FYB2: variants seen among roughly 807,000 people sequenced by gnomAD.
FYB2 encodes FYN-binding protein 2.
Under a neutral mutation model 94.1 loss-of-function variants are expected in FYB2, and 103 were observed. The observed-to-expected ratio is 1.09, with a 90% confidence interval of 0.93 to 1.29. The LOEUF (loss-of-function observed/expected upper bound fraction) is 1.29, where lower values mean the gene tolerates loss of function less well. FYB2 is among the 50% of genes most tolerant of loss of function. The pLI is 0.00. For missense variants in FYB2, 896 were observed against 841.5 expected, an observed-to-expected ratio of 1.06 and a Z score of -0.80; for synonymous variants, 293 against 287.9, an observed-to-expected ratio of 1.02 and a Z score of -0.18.
chr1:56,811,419 A>T (rs898010475), intron 1 of FYB2, among the ~76,000 whole-genome samples: 6 of 152,120 alleles, frequency 3.9e-5, no homozygotes, highest in African/African-American at 1.4e-4. Flanking sequence ...TTATGTGCTT[A>T]CTTAGAAATT....
At position 56,796,710 on chromosome 1, in the gene FYB2, C is replaced by G. The variant is rs560168148; in HGVS notation, c.10-3907G>C. ...CTCCAACGTCACATTGGGCCTCCCCCCAACATGCTTTCTTCCTTCTAGCCT... is the reference window on the plus strand; with the variant it reads ...CTCCAACGTCACATTGGGCCTCCCCGCAACATGCTTTCTTCCTTCTAGCCT... On this transcript the variant is annotated intron_variant, in intron 1 of 19. Transcript: ENST00000343433. Among the ~76,000 whole-genome samples, 52 of 152,290 alleles carry G rather than the reference C, an allele frequency of 3.4e-4. 1 individual carries two copies. The highest frequency in any genetic ancestry group is 1.2e-3 in the Admixed American group (19 of 15,300).
chr1:56,733,267 G>C (rs1275642829), intron 15 of FYB2, among the ~76,000 whole-genome samples: 2 of 151,992 alleles, frequency 1.3e-5, no homozygotes, highest in Non-Finnish European at 2.9e-5. Flanking sequence ...CTGTGGGATT[G>C]GTGGTGATAT....
intron 1 of FYB2, among the ~76,000 whole-genome samples, chr1:56,810,305 T>C (rs1646738612): frequency 6.6e-6 from 1 of 152,144 alleles, no homozygotes; most frequent in African/African-American, 2.4e-5. Flanking sequence ...ACTCATTCCA[T>C]GAAGTTTTCT....
chr1:56,801,958 C>T (rs1039568292), intron 1 of FYB2, among the ~76,000 whole-genome samples: 6 of 152,182 alleles, frequency 3.9e-5, no homozygotes, highest in Admixed American at 1.3e-4. Flanking sequence ...CTCCTATCTA[C>T]TTTGCAGTTT....
chr1:56,724,429 C>A (rs1362149249), intron 16 of FYB2, among the ~76,000 whole-genome samples: 1 of 151,956 alleles, frequency 6.6e-6, no homozygotes, highest in Non-Finnish European at 1.5e-5. Context: ...AAAAGTCAAC[C>A]AAGTCCTGTT....
chr1:56,730,109 T>C (rs2100530394), intron 15 of FYB2, among the ~76,000 whole-genome samples: 1 of 151,660 alleles, frequency 6.6e-6, no homozygotes, highest in South Asian at 2.1e-4. Context: ...TCTAATGATT[T>C]GTCTCAAAGA....
At chr1:56,788,928 G>A (rs918838642) in intron 3 of FYB2, 45 bp downstream of exon 3, 5 of 1,608,274 alleles carry the variant, frequency 3.1e-6, no homozygotes, top group African/African-American at 1.3e-5. Context: ...GGAGACGGAG[G>A]TGACTCCTGG....
chr1:56,788,661 C>T (rs769806192), intron 3 of FYB2, among the ~76,000 whole-genome samples: 2 of 152,208 alleles, frequency 1.3e-5, no homozygotes, highest in African/African-American at 2.4e-5. Context: ...GTTGACAACA[C>T]AGGTTTGCAG....
At position 56,737,292 on chromosome 1, in the gene FYB2, G is replaced by T. The variant is rs1226697104; in HGVS notation, c.1733-145C>A. 1.6e-5 allele frequency: 8 copies of T among 498,498 alleles called. 1 individual carries two copies. The South Asian group carries it at 2.5e-4, about 16-fold the overall frequency. 30.9% of individuals were successfully genotyped at this position (498,498 alleles called of 1,614,324 possible). ...AAATCTGATCATAAAATACAGATAG[G>T]CTAGAAGAATCAAAGAATAAAAATA... is the stretch of plus-strand genomic sequence containing the variant. On this transcript the variant is annotated intron_variant, in intron 14 of 19. Coordinates refer to ENST00000343433, the MANE Select transcript of FYB2 (RefSeq NM_001004303.5).
chr1:56,785,737 T>A (rs1189162599), intron 4 of FYB2, among the ~76,000 whole-genome samples: 2 of 152,302 alleles, frequency 1.3e-5, no homozygotes, highest in African/African-American at 4.8e-5. Flanking sequence ...GCTTCACACC[T>A]CCTGCCTCTA....
At chr1:56,719,822 GT>G (rs1644451532) in intron 19 of FYB2, 130 bp from the exon 20 acceptor site, 2 of 1,084,854 alleles carry the variant, frequency 1.8e-6, no homozygotes, top group South Asian at 3.2e-5. Context: ...ATAAAGCTGT[GT>G]AGAGAAGTTT....
intron 1 of FYB2, among the ~76,000 whole-genome samples, chr1:56,817,705 A>G (rs1448578629): frequency 4.6e-5 from 7 of 151,714 alleles, no homozygotes; most frequent in Non-Finnish European, 8.8e-5. Flanking sequence ...ATGAGAAACC[A>G]CTCTTATTTC....
chr1:56,785,585 A>C (rs1646115383), intron 4 of FYB2, among the ~76,000 whole-genome samples: 1 of 152,180 alleles, frequency 6.6e-6, no homozygotes, highest in African/African-American at 2.4e-5. Context: ...TTGTTGAATA[A>C]GATTGTCTTA....
Position 56,787,052 on chromosome 1 carries a change from C to T in FYB2, c.953+123G>A. 5 of 1,073,582 alleles carry T rather than the reference C, an allele frequency of 4.7e-6. 1 individual carries two copies. The South Asian group carries it at 6.7e-5, about 14-fold the overall frequency. The allele number at this position is 1,073,582 out of a possible 1,614,324, so 66.5% of individuals were successfully genotyped here. On this transcript the variant is annotated intron_variant, in intron 4 of 19. Coordinates refer to ENST00000343433, the MANE Select transcript of FYB2 (RefSeq NM_001004303.5). ...TTACACTTTGTTGCTTATAAGTTCA[C>T]TGCTTCTGAAACCCTTCTGAGAAAT...
At chr1:56,800,323 T>G (rs1338226487) in intron 1 of FYB2, among the ~76,000 whole-genome samples, 1 of 152,146 alleles carries the variant, frequency 6.6e-6, no homozygotes, top group Non-Finnish European at 1.5e-5. Context: ...CTATAAGAGC[T>G]ATAATAATGG....
chr1:56,784,481 C>T (rs1009573144), intron 4 of FYB2, among the ~76,000 whole-genome samples: 1 of 152,130 alleles, frequency 6.6e-6, no homozygotes, highest in Non-Finnish European at 1.5e-5. Flanking sequence ...GCACCAGTTT[C>T]CAGGGAAGTT....
chr1:56,756,418 TG>T (rs1414372957), intron 6 of FYB2, among the ~76,000 whole-genome samples: 2 of 152,122 alleles, frequency 1.3e-5, no homozygotes, highest in Non-Finnish European at 2.9e-5. Flanking sequence ...ATGATCACAA[TG>T]TAGCCCCTCA....
chr1:56,813,296 T>G (rs1053510640), intron 1 of FYB2, among the ~76,000 whole-genome samples: 1 of 151,870 alleles, frequency 6.6e-6, no homozygotes, highest in South Asian at 2.1e-4. Context: ...CAGTTCCACA[T>G]GGCTGGGGAA....
intron 1 of FYB2, among the ~76,000 whole-genome samples, chr1:56,807,097 C>G: frequency 6.6e-6 from 1 of 152,118 alleles, no homozygotes; most frequent in East Asian, 1.9e-4. Flanking sequence ...CTGGAAAAAC[C>G]GACCACAGAG....
Sources: allele counts gnomAD v4.1 joint callset (sites outside exome capture counted in the v4.1 genomes callset), GRCh38; gene constraint gnomAD v4.1.1; transcripts MANE v1.5; gene names NCBI Gene and HGNC (gene_info 2026-07-23, HGNC 2026-07-21).